Variants in FN1 observed in about 807,000 individuals in gnomAD.
The protein encoded by FN1 is fibronectin 1.
A neutral mutation model predicts 297.3 loss-of-function variants in FN1; 106 were observed. That is an observed-to-expected ratio of 0.36 (90% CI 0.30 to 0.42). The LOEUF (loss-of-function observed/expected upper bound fraction) is 0.42, where lower values mean the gene tolerates loss of function less well. Among genes scored for constraint, FN1 ranks in the 10% least tolerant of loss-of-function variants. The pLI, the probability that FN1 is intolerant of heterozygous loss-of-function variation, is 1.00. For missense variants in FN1, 2,690 were observed against 3,124.9 expected, an observed-to-expected ratio of 0.86 and a Z score of 3.32; for synonymous variants, 1,149 against 1,152.6, an observed-to-expected ratio of 1.00 and a Z score of 0.06.
chr2:215,386,144 C>G (rs1376600553), intron 28 of FN1, among the ~76,000 whole-genome samples: 3 of 139,798 alleles, frequency 2.1e-5, no homozygotes, highest in Non-Finnish European at 4.5e-5. Flanking sequence ...ATGGCCTGAT[C>G]TCAGCTCACT....
intron 3 of FN1, among the ~76,000 whole-genome samples, 198 bp from the exon 4 acceptor site, chr2:215,432,162 T>C (rs2066637370): frequency 6.6e-6 from 1 of 152,066 alleles, no homozygotes; most frequent in Admixed American, 6.6e-5. Context: ...TAGAACACAA[T>C]GGAAAACCAC....
chr2:215,362,228 A>G, intron 44 of FN1, 149 bp from the exon 45 acceptor site: 1 of 683,162 alleles, frequency 1.5e-6, no homozygotes, highest in Non-Finnish European at 2.7e-6. Flanking sequence ...TGATGATTTC[A>G]TGCATTTATA....
rs1236116670 is a variant in FN1, at chr2:215,422,252, A to C, written c.1394-9T>G. 3 of 1,613,684 alleles carry C rather than the reference A, an allele frequency of 1.9e-6. No homozygotes were observed. Among genetic ancestry groups the C allele is most frequent in the Non-Finnish European group, 2.5e-6 (3 of 1,179,584 alleles). On this transcript the variant is annotated splice_polypyrimidine_tract_variant and intron_variant, in intron 9 of 45. Transcript: ENST00000354785. ...GCAGATTTCCTCGTGGGCTGTTTGG[A>C]AATGGATAAGAAATGCACTTGATAA...
intron 20 of FN1, 89 bp from the exon 21 acceptor site, chr2:215,399,440 C>T (rs2060724583): frequency 1.1e-6 from 1 of 887,706 alleles, no homozygotes; most frequent in Admixed American, 1.7e-5. Context: ...TATGGAGAAC[C>T]TCAGTTTAAC....
At chr2:215,413,596 A>G (rs943666310) in intron 13 of FN1, among the ~76,000 whole-genome samples, 1 of 152,030 alleles carries the variant, frequency 6.6e-6, no homozygotes, top group Non-Finnish European at 1.5e-5. Flanking sequence ...TTCCATCTGT[A>G]TTGGCTGTCC....
intron 40 of FN1, chr2:215,370,634 C>G (rs997446398): frequency 1.8e-6 from 1 of 561,906 alleles, no homozygotes; most frequent in East Asian, 3.2e-5. Context: ...GGCCATCGTT[C>G]CTGCCAGATT....
chr2:215,419,451 G>T, intron 11 of FN1, 66 bp from the exon 12 acceptor site: 1 of 1,331,404 alleles, frequency 7.5e-7, no homozygotes, highest in Non-Finnish European at 1.1e-6. Flanking sequence ...TAATTTCAGG[G>T]TGCTAGAGCA....
chr2:215,374,848 A>G (rs1575298779), intron 38 of FN1, among the ~76,000 whole-genome samples: 1 of 152,230 alleles, frequency 6.6e-6, no homozygotes, highest in East Asian at 1.9e-4. Context: ...TGCACTGGCA[A>G]GTCCTGCAAG....
At position 215,419,304 on chromosome 2, in the gene FN1, T is replaced by C. The variant is rs138219703; in HGVS notation, c.1757A>G (p.Gln586Arg). Residue 586 changes from glutamine (Q) to arginine (R), a missense_variant, in exon 12 of 46, where the codon CAG becomes CGG. Transcript: ENST00000354785. ...AATGCCACGGCCATAGCAGTAGCAC[T>C]GGTATCTGACACCATGCACATACTT... The part of the protein sequence containing the change: ...WEKYVHGVRY[Q>R]CYCYGRGIGE... 135 of 1,613,446 alleles carry C rather than the reference T, an allele frequency of 8.4e-5. No individual in the cohort carries two copies. The highest frequency in any genetic ancestry group is 1.1e-4 in the Non-Finnish European group (131 of 1,179,468).
chr2:215,392,119 C>T (rs1401207258), intron 25 of FN1: 2 of 341,716 alleles, frequency 5.9e-6, no homozygotes, highest in Non-Finnish European at 1.1e-5. Context: ...ATTATTTTAT[C>T]CCAGGCCGAA....
At chr2:215,363,652 A>G (rs1488102221) in intron 44 of FN1, 6 of 152,224 alleles carry the variant, frequency 3.9e-5, no homozygotes, top group South Asian at 2.1e-4. Flanking sequence ...GCATTAACCA[A>G]TGAGTCTCAC....
rs145050088 is a variant in FN1 at position 215,378,258 on chromosome 2, G to A, written c.5627C>T (p.Ala1876Val). 6.9e-5 allele frequency: 110 copies of A among 1,602,450 alleles called. No homozygotes were observed. Among genetic ancestry groups the A allele is most frequent in the Non-Finnish European group, 9.1e-5 (107 of 1,170,320 alleles). The change falls in exon 35 of 46, where the codon GCC becomes GTC. Residue 1876 changes from alanine (A) to valine (V), a missense_variant. Physicochemically the swap from Ala to Val is moderately conservative, Grantham distance 64. This residue lies in a region of FN1 where 1,743 missense variants were observed against 1,945.2 expected (regional missense o/e 0.90). Transcript: ENST00000354785. Reference protein sequence around the residue: ...SSVVVSGLMVATKYEVSVYAL... With the variant: ...SSVVVSGLMVVTKYEVSVYAL... ...ATAGACACTCACTTCATATTTGGTGGCCACCTAGAGAAATAAGGGCATGGT... is the reference window on the plus strand; with the variant it reads ...ATAGACACTCACTTCATATTTGGTGACCACCTAGAGAAATAAGGGCATGGT...
At chr2:215,394,775 A>G (rs1173434897) in intron 23 of FN1, 56 bp from the exon 24 acceptor site, 2 of 1,352,510 alleles carry the variant, frequency 1.5e-6, no homozygotes, top group Non-Finnish European at 2.1e-6. Context: ...GCCAGAGCAT[A>G]TTTAACTAGA....
intron 5 of FN1, 84 bp from the exon 6 acceptor site, chr2:215,428,422 T>C (rs2106489873): frequency 7.6e-6 from 9 of 1,176,508 alleles, no homozygotes; most frequent in Non-Finnish European, 1.1e-5. Flanking sequence ...ATGCTATCTA[T>C]GCCTGGTAAT....
intron 13 of FN1, chr2:215,414,571 A>C (rs2063161922): frequency 3.1e-6 from 2 of 642,936 alleles, no homozygotes; most frequent in Non-Finnish European, 4.5e-6. Context: ...CTTGCAAAAA[A>C]GATTTCTGTA....
At chr2:215,368,959 C>G (rs1483146294) in intron 41 of FN1, among the ~76,000 whole-genome samples, 2 of 152,214 alleles carry the variant, frequency 1.3e-5, no homozygotes, top group African/African-American at 4.8e-5. Flanking sequence ...AACTCAAAAG[C>G]TCAAAAGCAG....
chr2:215,365,012 C>G, intron 43 of FN1, 27 bp from the exon 44 acceptor site: 1 of 1,403,484 alleles, frequency 7.1e-7, no homozygotes, highest in Non-Finnish European at 9.9e-7. Flanking sequence ...GACAGATGCA[C>G]GCATAAGCTG....
At chr2:215,372,469 T>C in intron 39 of FN1, 94 bp from the exon 40 acceptor site, 1 of 920,996 alleles carries the variant, frequency 1.1e-6, no homozygotes, top group South Asian at 1.3e-5. Flanking sequence ...ACAATGACTG[T>C]TCATCAATTT....
chr2:215,370,979 C>T (rs1384715142), intron 40 of FN1, among the ~76,000 whole-genome samples: 1 of 152,164 alleles, frequency 6.6e-6, no homozygotes, highest in African/African-American at 2.4e-5. Context: ...TTGATACTGT[C>T]AGTGGGCCGG....
Sources: allele counts gnomAD v4.1 joint callset (sites outside exome capture counted in the v4.1 genomes callset), GRCh38; gene constraint gnomAD v4.1.1; regional missense constraint gnomAD v4.1.1; transcripts MANE v1.5; gene names NCBI Gene and HGNC (gene_info 2026-07-23, HGNC 2026-07-21).